Variants in CHCHD6 observed in about 807,000 individuals in gnomAD.
The protein encoded by CHCHD6 is coiled-coil-helix-coiled-coil-helix domain containing 6, also known as MICOS complex subunit MIC25.
A neutral mutation model predicts 32.3 loss-of-function variants in CHCHD6; 28 were observed. That is an observed-to-expected ratio of 0.87 (90% confidence interval 0.64 to 1.19). The LOEUF is 1.19. Among genes scored for constraint, CHCHD6 ranks in the 50% most tolerant of loss-of-function variants. The probability of loss-of-function intolerance (pLI) is 0.00; values close to 1 mark genes in which losing one functional copy is unlikely to be tolerated. For synonymous variants in CHCHD6, 122 were observed against 117.5 expected (o/e 1.04, Z -0.25); for missense variants, 333 against 307.0 (o/e 1.08, Z -0.63).
At chr3:126,875,096 G>A (rs933978459) in intron 5 of CHCHD6, among the ~76,000 whole-genome samples, 1 of 152,264 alleles carries the variant, frequency 6.6e-6, no homozygotes, top group Non-Finnish European at 1.5e-5. Context: ...ACTGGGCGGA[G>A]CTCAGTGTTT....
intron 4 of CHCHD6, among the ~76,000 whole-genome samples, chr3:126,823,815 G>A: frequency 6.6e-6 from 1 of 152,148 alleles, no homozygotes; most frequent in Non-Finnish European, 1.5e-5. Context: ...CAGAGGCCGA[G>A]GCAGGAGGAT....
At chr3:126,836,064 G>A (rs936328547) in intron 4 of CHCHD6, among the ~76,000 whole-genome samples, 4 of 152,176 alleles carry the variant, frequency 2.6e-5, no homozygotes, top group Non-Finnish European at 5.9e-5. Context: ...TTTATGAGCT[G>A]CATTTAAAAA....
In CHCHD6 at chr3:126,859,338, T is replaced by A. The variant is rs532762588; in HGVS notation, c.495+6608T>A. Among the ~76,000 whole-genome samples the A allele has an allele frequency of 3.9e-5, 6 of 151,974 alleles. No individual in the cohort carries two copies. The East Asian group carries it at 1.2e-3, about 30-fold the overall frequency. ...AGCTTGGCCCCAGCCAGGTGCTATG[T>A]GAGAAGGGAGGCCACAGGTGGTACA... On this transcript the variant is annotated intron_variant, in intron 5 of 7. Coordinates refer to ENST00000290913, the MANE Select transcript of CHCHD6 (RefSeq NM_032343.3).
chr3:126,734,969 C>G (rs1359650494), intron 4 of CHCHD6, among the ~76,000 whole-genome samples: 1 of 152,114 alleles, frequency 6.6e-6, no homozygotes, highest in Non-Finnish European at 1.5e-5. Flanking sequence ...TTTTAGAACC[C>G]CATGGCATCC....
chr3:126,854,272 GA>G (rs1302028035), intron 5 of CHCHD6, among the ~76,000 whole-genome samples: 1 of 152,096 alleles, frequency 6.6e-6, no homozygotes, highest in African/African-American at 2.4e-5. Context: ...AGATGATTGT[GA>G]AGAGTTATTA....
intron 4 of CHCHD6, among the ~76,000 whole-genome samples, chr3:126,736,693 T>G (rs1288106267): frequency 1.3e-5 from 2 of 152,226 alleles, no homozygotes; most frequent in African/African-American, 4.8e-5. Context: ...TGAACTGTTC[T>G]GTGCGTGTCA....
chr3:126,909,729 C>T (rs1265941193), intron 5 of CHCHD6, among the ~76,000 whole-genome samples: 1 of 152,104 alleles, frequency 6.6e-6, no homozygotes, highest in Non-Finnish European at 1.5e-5. Context: ...CTAAAGAGTC[C>T]GATGGGAAAG....
At position 126,865,600 on chromosome 3, in the gene CHCHD6, C is replaced by A. The variant is rs1942264016; in HGVS notation, c.495+12870C>A. The A allele has an allele frequency of 3.0e-6, 3 of 985,288 alleles. No individual in the cohort carries two copies. In the African/African-American group the frequency reaches 5.2e-5, roughly 17 times the overall value. 61.0% of individuals were successfully genotyped at this position (985,288 alleles called of 1,614,324 possible). ...TCCCTCTTCCTCTACCACCTCCACA[C>A]CTTCACTGCTACCACCATTTTGATT... On this transcript the variant is annotated intron_variant, in intron 5 of 7. Coordinates refer to ENST00000290913, the MANE Select transcript of CHCHD6 (RefSeq NM_032343.3).
chr3:126,783,478 A>G (rs947261512), intron 4 of CHCHD6, among the ~76,000 whole-genome samples: 3 of 152,224 alleles, frequency 2.0e-5, no homozygotes, highest in Admixed American at 1.3e-4. Flanking sequence ...TGAAATAGAA[A>G]GCATCCAAAT....
At chr3:126,795,497 C>T (rs574829801) in intron 4 of CHCHD6, among the ~76,000 whole-genome samples, 1 of 152,280 alleles carries the variant, frequency 6.6e-6, no homozygotes, top group African/African-American at 2.4e-5. Flanking sequence ...TGTTCATCTT[C>T]TCAGAATGTT....
intron 6 of CHCHD6, among the ~76,000 whole-genome samples, chr3:126,956,206 T>C (rs2078781076): frequency 6.6e-6 from 1 of 152,224 alleles, no homozygotes; most frequent in African/African-American, 2.4e-5. Flanking sequence ...TTTCTATTGC[T>C]AAGAAACTTG....
At chr3:126,774,422 A>G (rs1007342113) in intron 4 of CHCHD6, among the ~76,000 whole-genome samples, 1 of 152,200 alleles carries the variant, frequency 6.6e-6, no homozygotes, top group African/African-American at 2.4e-5. Context: ...TTGTGTAAAT[A>G]TCATACGATA....
chr3:126,943,465 G>A (rs546078225), intron 6 of CHCHD6, among the ~76,000 whole-genome samples: 145 of 152,320 alleles, frequency 9.5e-4, no homozygotes, highest in East Asian at 9.6e-4. Flanking sequence ...CCAGTAGCGG[G>A]TGGCTGACCC....
intron 6 of CHCHD6, among the ~76,000 whole-genome samples, chr3:126,934,074 T>C (rs1418187082): frequency 1.3e-5 from 2 of 152,206 alleles, no homozygotes; most frequent in African/African-American, 2.4e-5. Context: ...AGAACCTGGA[T>C]TGAGCTCACA....
At chr3:126,794,583 T>G (rs1329230415) in intron 4 of CHCHD6, among the ~76,000 whole-genome samples, 1 of 152,122 alleles carries the variant, frequency 6.6e-6, no homozygotes, top group Non-Finnish European at 1.5e-5. Flanking sequence ...AGAAAAAGTT[T>G]GAATCTTGTA....
chr3:126,736,019 A>G (rs1420401299), intron 4 of CHCHD6, among the ~76,000 whole-genome samples: 1 of 152,210 alleles, frequency 6.6e-6, no homozygotes, highest in Non-Finnish European at 1.5e-5. Context: ...AAGGCAGTCA[A>G]CTAAATGCTG....
intron 4 of CHCHD6, among the ~76,000 whole-genome samples, chr3:126,832,180 A>G (rs903279531): frequency 6.6e-6 from 1 of 152,190 alleles, no homozygotes. Context: ...CACACTTAGC[A>G]AGGTTCAGAA....
intron 5 of CHCHD6, among the ~76,000 whole-genome samples, chr3:126,866,651 A>G (rs1194666948): frequency 2.0e-5 from 3 of 152,234 alleles, no homozygotes; most frequent in African/African-American, 7.2e-5. Context: ...TTGAATCTGT[A>G]TTAAATCACC....
chr3:126,735,304 A>T (rs530255312), intron 4 of CHCHD6, among the ~76,000 whole-genome samples: 24 of 152,200 alleles, frequency 1.6e-4, no homozygotes, highest in Non-Finnish European at 4.4e-5. Context: ...CTTTCTCAGG[A>T]CTATCCCTTG....
Sources: allele counts gnomAD v4.1 joint callset (sites outside exome capture counted in the v4.1 genomes callset), GRCh38; gene constraint gnomAD v4.1.1; transcripts MANE v1.5; gene names NCBI Gene and HGNC (gene_info 2026-07-23, HGNC 2026-07-21).